Variants in FSTL5 observed in about 807,000 individuals in gnomAD.
The protein encoded by FSTL5 is follistatin like 5, also known as follistatin-related protein 5.
A neutral mutation model predicts 89.1 loss-of-function variants in FSTL5; 62 were observed. That is an observed-to-expected ratio of 0.70 (90% CI 0.57 to 0.86). The LOEUF (loss-of-function observed/expected upper bound fraction) is 0.86. Among genes scored for constraint, FSTL5 ranks in the 40% least tolerant of loss-of-function variants. FSTL5 has a pLI of 0.00. For synonymous variants in FSTL5, 383 were observed against 346.2 expected (o/e 1.11, Z -1.18); for missense variants, 1,057 against 1,001.6 (o/e 1.06, Z -0.75).
chr4:161,762,499 T>G (rs1740842815), intron 5 of FSTL5, among the ~76,000 whole-genome samples: 1 of 152,196 alleles, frequency 6.6e-6, no homozygotes, highest in African/African-American at 2.4e-5. Flanking sequence ...TTCATGACAC[T>G]GCCAGATTCA....
chr4:161,620,230 C>A (rs1220380680), intron 7 of FSTL5, among the ~76,000 whole-genome samples: 2 of 150,796 alleles, frequency 1.3e-5, no homozygotes, highest in East Asian at 3.9e-4. Flanking sequence ...AGGAGATATA[C>A]CTAATGCTAA....
chr4:161,408,262 G>A (rs1390472563), intron 15 of FSTL5, among the ~76,000 whole-genome samples: 1 of 152,088 alleles, frequency 6.6e-6, no homozygotes, highest in Admixed American at 6.5e-5. Flanking sequence ...TCTACTGCCC[G>A]TTGCTCTCAA....
intron 6 of FSTL5, among the ~76,000 whole-genome samples, chr4:161,659,292 T>C (rs1736628638): frequency 1.3e-5 from 2 of 152,162 alleles, no homozygotes; most frequent in Admixed American, 1.3e-4. Flanking sequence ...TTTCATGCTG[T>C]ATGTTTCACC....
chr4:161,978,732 T>C (rs1433113212), intron 3 of FSTL5, among the ~76,000 whole-genome samples: 1 of 152,112 alleles, frequency 6.6e-6, no homozygotes, highest in Non-Finnish European at 1.5e-5. Context: ...GTATGTGTTT[T>C]GGAGATTATA....
At chr4:162,153,992 A>G (rs925624751) in intron 1 of FSTL5, among the ~76,000 whole-genome samples, 3 of 151,218 alleles carry the variant, frequency 2.0e-5, no homozygotes, top group African/African-American at 7.3e-5. Flanking sequence ...TTTTTAGTAG[A>G]GATGGGGTTT....
chr4:161,880,258 T>G (rs1337432973), intron 4 of FSTL5, among the ~76,000 whole-genome samples: 1 of 152,094 alleles, frequency 6.6e-6, no homozygotes, highest in Non-Finnish European at 1.5e-5. Context: ...GAATGAAACT[T>G]CATAAAATTT....
At chr4:161,611,061 C>T (rs937338317) in intron 7 of FSTL5, among the ~76,000 whole-genome samples, 2 of 150,752 alleles carry the variant, frequency 1.3e-5, no homozygotes, top group African/African-American at 4.9e-5. Flanking sequence ...AACTGAGACA[C>T]AGATGATCTG....
intron 6 of FSTL5, among the ~76,000 whole-genome samples, chr4:161,728,412 A>G (rs1739494701): frequency 6.6e-6 from 1 of 152,174 alleles, no homozygotes; most frequent in East Asian, 1.9e-4. Context: ...GGAGAAAAAG[A>G]TATTAAGGGC....
At chr4:161,467,210 A>G (rs1323568893) in intron 13 of FSTL5, among the ~76,000 whole-genome samples, 4 of 152,110 alleles carry the variant, frequency 2.6e-5, no homozygotes, top group Non-Finnish European at 4.4e-5. Flanking sequence ...TATAATGTAT[A>G]CCACTTTTTA....
chr4:161,748,643 T>C (rs1740286737), intron 6 of FSTL5, among the ~76,000 whole-genome samples: 1 of 138,518 alleles, frequency 7.2e-6, no homozygotes, highest in Admixed American at 7.8e-5. Context: ...GACTGAACAG[T>C]ATCTCACATG....
At chr4:161,991,311 A>G (rs77423144) in intron 3 of FSTL5, among the ~76,000 whole-genome samples, 8,366 of 152,284 alleles carry the variant, frequency 0.055, 264 homozygotes, top group Non-Finnish European at 0.077. Context: ...CTGAGCTTCT[A>G]GAGACTTAGG....
In FSTL5 at chr4:162,155,509, T is replaced by G. The variant is rs898219462; in HGVS notation, c.-17+8106A>C. 2.6e-5 allele frequency among the ~76,000 whole-genome samples: 4 copies of G among 152,198 alleles called. No homozygotes were observed. In the East Asian group the frequency reaches 5.8e-4, roughly 22 times the overall value. Reference sequence around the variant, plus strand: ...GAAATCCGGAGATAATAAATGTTTATGTGGCTAAGTCTGTGATAATTTGTA... The same window carrying G: ...GAAATCCGGAGATAATAAATGTTTAGGTGGCTAAGTCTGTGATAATTTGTA... On this transcript the variant is annotated intron_variant, in intron 1 of 15. Transcript: ENST00000306100.
chr4:161,589,187 T>TGTTG (rs201346822), intron 7 of FSTL5, among the ~76,000 whole-genome samples: 2 of 149,454 alleles, frequency 1.3e-5, no homozygotes, highest in Non-Finnish European at 3.0e-5. Flanking sequence ...TTTGTTTGTT[T>TGTTG]TTTGAGATGG....
chr4:161,812,492 CAAT>C (rs1730182239), intron 4 of FSTL5, among the ~76,000 whole-genome samples: 1 of 142,090 alleles, frequency 7.0e-6, no homozygotes, highest in East Asian at 2.1e-4. Flanking sequence ...CTCTGTGTCT[CAAT>C]AGCCCATCTG....
intron 1 of FSTL5, among the ~76,000 whole-genome samples, chr4:162,129,078 G>A (rs750942736): frequency 2.0e-5 from 3 of 152,030 alleles, no homozygotes; most frequent in Non-Finnish European, 4.4e-5. Flanking sequence ...GATTACAGGC[G>A]CCCACCACCA....
intron 6 of FSTL5, among the ~76,000 whole-genome samples, chr4:161,692,666 G>A (rs559071655): frequency 2.0e-5 from 3 of 152,130 alleles, no homozygotes; most frequent in Non-Finnish European, 4.4e-5. Flanking sequence ...GCAGTCACCT[G>A]TACGTGAAGT....
At chr4:161,530,394 A>G (rs1260062692) in intron 10 of FSTL5, among the ~76,000 whole-genome samples, 1 of 141,356 alleles carries the variant, frequency 7.1e-6, no homozygotes, top group Non-Finnish European at 1.6e-5. Context: ...CATAAATAGT[A>G]TATGTTTATA....
intron 6 of FSTL5, among the ~76,000 whole-genome samples, chr4:161,709,314 G>A (rs1195815931): frequency 6.6e-6 from 1 of 151,968 alleles, no homozygotes; most frequent in Non-Finnish European, 1.5e-5. Context: ...TAAATTTGGA[G>A]AATTGTATCA....
chr4:161,559,714 T>C (rs568953740), intron 8 of FSTL5, among the ~76,000 whole-genome samples: 1 of 152,066 alleles, frequency 6.6e-6, no homozygotes, highest in South Asian at 2.1e-4. Context: ...ATGCATAATA[T>C]ATATATCATA....
Sources: allele counts gnomAD v4.1 joint callset (sites outside exome capture counted in the v4.1 genomes callset), GRCh38; gene constraint gnomAD v4.1.1; transcripts MANE v1.5; gene names NCBI Gene and HGNC (gene_info 2026-07-23, HGNC 2026-07-21).